Variants in ARMCX4 observed in about 807,000 individuals in gnomAD.
ARMCX4 encodes the protein armadillo repeat-containing X-linked protein 4.
Under a neutral mutation model 34.7 loss-of-function variants are expected in ARMCX4, and 3 were observed. That is an observed-to-expected ratio of 0.09 (90% CI 0.04 to 0.22). The LOEUF is 0.22. Ranked by LOEUF, ARMCX4 falls within the 10% of genes least tolerant of loss-of-function variation. ARMCX4 has a pLI of 1.00. For synonymous variants in ARMCX4, 513 were observed against 632.8 expected, an observed-to-expected ratio of 0.81 and a Z score of 2.84; for missense variants, 1,448 against 1,720.8, an observed-to-expected ratio of 0.84 and a Z score of 2.81.
At chrX:101,458,881 A>T (rs1932467812) in intron 4 of ARMCX4, among the ~76,000 whole-genome samples, 1 of 112,106 alleles carries the variant, frequency 8.9e-6, no homozygotes, top group Admixed American at 9.5e-5. Flanking sequence ...AAATAAAATA[A>T]AATTAAATTA....
At chrX:101,428,935 G>C (rs1033333142) in intron 2 of ARMCX4, among the ~76,000 whole-genome samples, 1 of 96,179 alleles carries the variant, frequency 1.0e-5, no homozygotes, top group South Asian at 5.3e-4. Context: ...GCAGTGGTGT[G>C]ATCACAGCTC....
At chrX:101,424,703 C>G in intron 2 of ARMCX4, among the ~76,000 whole-genome samples, 2 of 112,022 alleles carry the variant, frequency 1.8e-5, no homozygotes, top group South Asian at 7.4e-4. Context: ...TTTACTCCCC[C>G]CTGTATCTTA....
chrX:101,511,346 C>A (rs1280810426), intron 11 of ARMCX4, among the ~76,000 whole-genome samples: 1 of 111,356 alleles, frequency 9.0e-6, no homozygotes, highest in Non-Finnish European at 1.9e-5. Context: ...ATACATGGAG[C>A]TTTTCCTGAC....
At chrX:101,477,311 G>A (rs1933232563) in intron 4 of ARMCX4, among the ~76,000 whole-genome samples, 1 of 105,869 alleles carries the variant, frequency 9.4e-6, no homozygotes, top group African/African-American at 3.4e-5. Context: ...ATGGTGGCAC[G>A]CACCTGTAGT....
At chrX:101,481,776 A>G (rs1353276196), upstream of ARMCX4, among the ~76,000 whole-genome samples, 1 of 111,785 alleles carries the variant, frequency 8.9e-6, no homozygotes, top group Non-Finnish European at 1.9e-5. Context: ...GCAAAGCTTT[A>G]TGTGCCAGAC....
intron 7 of ARMCX4, among the ~76,000 whole-genome samples, chrX:101,500,876 C>T (rs1556013425): frequency 1.8e-5 from 2 of 111,629 alleles, no homozygotes; most frequent in Non-Finnish European, 3.8e-5. Flanking sequence ...ATGTCTGTGA[C>T]ATCATGCTAA....
chrX:101,467,596 C>T (rs1467566230), intron 4 of ARMCX4, among the ~76,000 whole-genome samples: 1 of 112,185 alleles, frequency 8.9e-6, no homozygotes, highest in Non-Finnish European at 1.9e-5. Context: ...TTATGTTTTT[C>T]CCTCATGGCT....
At chrX:101,436,156 A>T (rs1569316972) in intron 2 of ARMCX4, among the ~76,000 whole-genome samples, 1 of 108,251 alleles carries the variant, frequency 9.2e-6, no homozygotes, top group Non-Finnish European at 1.9e-5. Flanking sequence ...TGAACTTTAA[A>T]GTAGTTTTTT....
chrX:101,529,069 C>A (rs1569352056), intron 11 of ARMCX4, among the ~76,000 whole-genome samples: 1 of 111,497 alleles, frequency 9.0e-6, no homozygotes, highest in Non-Finnish European at 1.9e-5. Flanking sequence ...TATCACGCTA[C>A]CTGACTTCAA....
chrX:101,458,532 G>A (rs1932438200), intron 4 of ARMCX4, among the ~76,000 whole-genome samples: 1 of 100,054 alleles, frequency 1.0e-5, no homozygotes, highest in Non-Finnish European at 2.0e-5. Context: ...TTTTTTTTGA[G>A]ACGGAGTGCA....
intron 2 of ARMCX4, among the ~76,000 whole-genome samples, chrX:101,421,940 C>A (rs1555990168): frequency 9.2e-6 from 1 of 108,797 alleles, no homozygotes; most frequent in African/African-American, 3.4e-5. Context: ...GTGCAGGAGA[C>A]CAGAGTTTTG....
chrX:101,439,828 C>T (rs1931125233), intron 2 of ARMCX4, among the ~76,000 whole-genome samples: 1 of 112,223 alleles, frequency 8.9e-6, no homozygotes, highest in Non-Finnish European at 1.9e-5. Context: ...TCAGCTCCAT[C>T]AGGTCCTTTA....
intron 12 of ARMCX4, chrX:101,532,491 A>C (rs1935147616): frequency 9.0e-6 from 1 of 111,167 alleles, no homozygotes; most frequent in Non-Finnish European, 1.9e-5. Context: ...GATTGAGCCC[A>C]ATTACTAAGG....
chrX:101,520,582 G>A (rs1404223107), intron 11 of ARMCX4, among the ~76,000 whole-genome samples: 2 of 112,109 alleles, frequency 1.8e-5, no homozygotes, highest in Non-Finnish European at 3.8e-5. Context: ...ATTTTCAGAT[G>A]TTAACCTGAC....
chrX:101,429,979 T>C (rs3027569), intron 2 of ARMCX4, among the ~76,000 whole-genome samples: 121 of 111,602 alleles, frequency 1.1e-3, no homozygotes, highest in African/African-American at 3.9e-3. Flanking sequence ...TGCTATCCTG[T>C]TACAGAGGTG....
In ARMCX4 at chrX:101,487,635, T is replaced by G; in HGVS notation, c.-259T>G. The G allele has an allele frequency of 2.1e-6, 2 of 967,825 alleles. No homozygotes were observed. The highest frequency in any genetic ancestry group is 2.7e-6 in the Non-Finnish European group (2 of 752,449). 79.8% of individuals were successfully genotyped at this position (967,825 alleles called of 1,213,427 possible). A position where few individuals can be genotyped will look rare whatever the true frequency, so the allele number is the denominator to read the frequency against. The stretch of plus-strand genomic sequence containing the variant: ...CTGCCTGCATGTCTGCTGCAGGGCT[T>G]AAGATCACTGGAAGCAAAGAAACAA... On this transcript the variant is annotated 5_prime_UTR_variant, in exon 4 of 6. An upstream open reading frame in the 5' UTR loses its in-frame stop. Coordinates refer to ENST00000423738, the MANE Select transcript of ARMCX4 (RefSeq NM_001256155.3).
intron 4 of ARMCX4, among the ~76,000 whole-genome samples, chrX:101,455,219 C>G (rs1932213962): frequency 8.9e-6 from 1 of 111,854 alleles, no homozygotes; most frequent in Non-Finnish European, 1.9e-5. Flanking sequence ...GGTGCTTTGG[C>G]AGTAAGTTAT....
Position 101,493,665 on chromosome X carries a change from G to A in ARMCX4, c.5076G>A (p.Glu1692=). The change falls in exon 6 of 6, where the codon GAG becomes GAA. Residue 1692 remains glutamate, a synonymous_variant. Coordinates refer to ENST00000423738, the MANE Select transcript of ARMCX4 (RefSeq NM_001256155.3). The stretch of plus-strand genomic sequence containing the variant: ...GGGCTGGATCTAGGCCTGGGAATGA[G>A]GCCATTGGAGGATCTAGGATGGGAT... ...ESWAGSRPGN[E]AIGGSRMGSE... 2.6e-6 allele frequency: 3 copies of A among 1,153,991 alleles called. No individual in the cohort carries two copies. The highest frequency in any genetic ancestry group is 3.4e-6 in the Non-Finnish European group (3 of 872,244).
At chrX:101,432,866 A>G (rs1555992609) in intron 2 of ARMCX4, among the ~76,000 whole-genome samples, 1 of 93,234 alleles carries the variant, frequency 1.1e-5, no homozygotes, top group South Asian at 5.2e-4. Flanking sequence ...ATACACGTAT[A>G]TATACACATA....
Sources: gnomAD v4.1 joint callset for allele counts (sites outside exome capture counted in the v4.1 genomes callset) on GRCh38, gnomAD v4.1.1 for gene constraint, MANE v1.5 for transcripts, NCBI Gene and HGNC (gene_info 2026-07-23, HGNC 2026-07-21) for gene names.